The following CSF1R variants were observed in gnomAD, a reference collection of about 807,000 sequenced individuals.
CSF1R encodes macrophage colony-stimulating factor 1 receptor.
In CSF1R, 40 loss-of-function variants were observed where a neutral mutation model predicts 110.0. The observed-to-expected ratio is 0.36, with a 90% CI of 0.28 to 0.47. CSF1R has a LOEUF of 0.47. CSF1R is among the 20% of genes least tolerant of loss of function. The pLI is 0.99. For synonymous variants in CSF1R, 523 were observed against 503.4 expected (o/e 1.04, Z -0.52); for missense variants, 1,052 against 1,253.0 (o/e 0.84, Z 2.42).
chr5:150,066,136 C>T (rs73275628), intron 10 of CSF1R, among the ~76,000 whole-genome samples: 2,429 of 152,268 alleles, frequency 0.016, 67 homozygotes, highest in African/African-American at 0.055. Context: ...GACCTCAGAC[C>T]TCCCCCTCCT....
upstream of CSF1R, among the ~76,000 whole-genome samples, chr5:150,091,526 G>A (rs1460569464): frequency 2.0e-5 from 3 of 152,266 alleles, no homozygotes; most frequent in Admixed American, 6.5e-5. Context: ...AATGTCATAC[G>A]ACTCCATCTA....
chr5:150,072,752 G>A (rs1758080923), intron 6 of CSF1R, among the ~76,000 whole-genome samples: 1 of 152,182 alleles, frequency 6.6e-6, no homozygotes. Context: ...ATTATAGATT[G>A]CACTTCATGG....
At chr5:150,109,121 C>T (rs1759642763) in intron 1 of CSF1R, among the ~76,000 whole-genome samples, 1 of 150,878 alleles carries the variant, frequency 6.6e-6, no homozygotes, top group South Asian at 2.1e-4. Context: ...TGGCCCCTGA[C>T]CCCAGGGCTC....
chr5:150,070,218 T>A lies in CSF1R; in HGVS notation c.1283A>T (p.Asn428Ile). Residue 428 changes from asparagine (N) to isoleucine (I), a missense_variant, in exon 8 of 21, where the codon AAC becomes ATC. By Grantham distance (149) the Asn-to-Ile change is moderately radical. Coordinates refer to ENST00000675795, the MANE Select transcript of CSF1R (RefSeq NM_001288705.3). Reference sequence around the variant, plus strand: ...GCCACTGCACTGCAGCCATGTCACGTTGGGCTGGGGGTACCCAGAGGCAGC... The same window carrying A: ...GCCACTGCACTGCAGCCATGTCACGATGGGCTGGGGGTACCCAGAGGCAGC... ...LCAASGYPQP[N>I]VTWLQCSGHT... 1 of 1,614,074 alleles carries A rather than the reference T, an allele frequency of 6.2e-7. No individual in the cohort carries two copies. The highest frequency in any genetic ancestry group is 8.5e-7 in the Non-Finnish European group (1 of 1,179,992).
chr5:150,060,862 C>G lies in CSF1R; in HGVS notation c.1969G>C (p.Gly657Arg), dbSNP rs777963695. The G allele has an allele frequency of 6.2e-7, 1 of 1,603,360 alleles. No individual in the cohort carries two copies. The highest frequency in any genetic ancestry group is 8.5e-7 in the Non-Finnish European group (1 of 1,173,930). ...VNLLGACTHG[G>R]PVLVITEYCC... ...GCCCCAGGAACCCCAAGGCCCTTAC[C>G]TCCATGGGTACAGGCTCCCAGAAGG... is the stretch of plus-strand genomic sequence containing the variant. Residue 657 changes from glycine to arginine, a missense_variant and splice_region_variant, in exon 13 of 21, where the codon GGC (glycine) becomes CGC (arginine). This residue lies in a region of CSF1R where 76 missense variants were observed against 133.6 expected (regional missense o/e 0.57). Coordinates refer to ENST00000675795, the MANE Select transcript of CSF1R (RefSeq NM_001288705.3).
chr5:150,080,730 G>A (rs199646591), intron 2 of CSF1R, 37 bp downstream of exon 2: 206 of 1,611,018 alleles, frequency 1.3e-4, no homozygotes, highest in African/African-American at 4.4e-4. Flanking sequence ...GGGGCCTGCC[G>A]GGTCAGGCCT....
chr5:150,055,739 G>A (rs1054037281), intron 18 of CSF1R, among the ~76,000 whole-genome samples: 1 of 152,170 alleles, frequency 6.6e-6, no homozygotes, highest in South Asian at 2.1e-4. Context: ...CATCTTCAAG[G>A]GTCTGTAGAT....
upstream of CSF1R, among the ~76,000 whole-genome samples, chr5:150,090,553 A>G (rs1267655822): frequency 1.3e-5 from 2 of 152,238 alleles, no homozygotes; most frequent in Non-Finnish European, 2.9e-5. Flanking sequence ...ATATAAATGG[A>G]ATCATACAGT....
chr5:150,085,277 G>GGAAAAAAAAAAAAAAAAAA (rs1758786208), intron 1 of CSF1R, among the ~76,000 whole-genome samples: 1 of 92,470 alleles, frequency 1.1e-5, no homozygotes, highest in African/African-American at 5.6e-5. Context: ...TCTGTCTCAG[G>GGAAAAAAAAAAAAAAAAAA]AAAAAAAAAA....
intron 1 of CSF1R, among the ~76,000 whole-genome samples, chr5:150,105,476 A>G (rs1759529347): frequency 6.7e-6 from 1 of 149,996 alleles, no homozygotes; most frequent in Non-Finnish European, 1.5e-5. Flanking sequence ...TTGGCTTCCC[A>G]AAATGCTGGG....
chr5:150,068,699 G>A (rs200271686), intron 9 of CSF1R, among the ~76,000 whole-genome samples: 45 of 152,282 alleles, frequency 3.0e-4, no homozygotes, highest in Admixed American at 1.8e-3. Flanking sequence ...CAGGAAGCTC[G>A]TTCAGAAAGG....
chr5:150,081,213 T>C (rs942113380), intron 1 of CSF1R, among the ~76,000 whole-genome samples, 189 bp from the exon 2 acceptor site: 1 of 152,146 alleles, frequency 6.6e-6, no homozygotes. Flanking sequence ...GACAGACTGA[T>C]GTCTCTGATG....
At chr5:150,101,791 G>A (rs1285079024) in intron 1 of CSF1R, among the ~76,000 whole-genome samples, 1 of 151,416 alleles carries the variant, frequency 6.6e-6, no homozygotes, top group African/African-American at 2.4e-5. Context: ...CGCCTCAACT[G>A]CTTGTAAGAG....
intron 5 of CSF1R, among the ~76,000 whole-genome samples, chr5:150,076,321 CCTATCTATCTATCTATCTATCTATCTAT>C (rs59302630): frequency 1.8e-4 from 27 of 148,118 alleles, no homozygotes; most frequent in African/African-American, 6.2e-4. Flanking sequence ...CTAAGTACTT[CCTATCTATCTATCTATCTATCTATCTAT>C]CTATCTATCT....
In CSF1R at chr5:150,056,011, G is replaced by A. The variant is rs1398947158; in HGVS notation, c.2554+15C>T. The A allele has an allele frequency of 2.5e-6, 4 of 1,611,054 alleles. No individual in the cohort carries two copies. The highest frequency in any genetic ancestry group is 2.2e-5 in the East Asian group (1 of 44,872). ...CCAGCCCCAGGCTCTGCCTGGAGTG[G>A]GCCCAGTGGCTCACCAAGTGAGAAG... On this transcript the variant is annotated intron_variant, in intron 18 of 20. Coordinates refer to ENST00000675795, the MANE Select transcript of CSF1R (RefSeq NM_001288705.3).
chr5:150,058,323 A>C, intron 14 of CSF1R: 1 of 456,250 alleles, frequency 2.2e-6, no homozygotes, highest in South Asian at 1.5e-5. Flanking sequence ...CTGTAGACTG[A>C]AGCACTACTG....
intron 1 of CSF1R, among the ~76,000 whole-genome samples, chr5:150,092,367 G>A (rs1759072692): frequency 6.6e-6 from 1 of 152,106 alleles, no homozygotes; most frequent in Admixed American, 6.5e-5. Flanking sequence ...TCTCCACAGG[G>A]GATACATTCC....
Position 150,057,396 on chromosome 5 carries a change from A to G in CSF1R, c.2222-12T>C, listed in dbSNP as rs1405841125. ...CTCCTTGTCCAGGTCTAGGGTGGGA[A>G]GAGGCGTCAGGGCAGCCCTGCCACA... is the stretch of plus-strand genomic sequence containing the variant. On this transcript the variant is annotated splice_polypyrimidine_tract_variant and intron_variant, in intron 15 of 20. Coordinates refer to ENST00000675795, the MANE Select transcript of CSF1R (RefSeq NM_001288705.3). 14 of 1,613,492 alleles carry G rather than the reference A, an allele frequency of 8.7e-6. No individual in the cohort carries two copies. The highest frequency in any genetic ancestry group is 1.2e-5 in the Non-Finnish European group (14 of 1,179,606).
chr5:150,105,847 T>C (rs1003968782), intron 1 of CSF1R, among the ~76,000 whole-genome samples: 7 of 152,238 alleles, frequency 4.6e-5, no homozygotes, highest in Non-Finnish European at 5.9e-5. Flanking sequence ...TTCTGAGTGC[T>C]GTTTATGTGC....
Sources: allele counts gnomAD v4.1 joint callset (sites outside exome capture counted in the v4.1 genomes callset), GRCh38; gene constraint gnomAD v4.1.1; regional missense constraint gnomAD v4.1.1; transcripts MANE v1.5; gene names NCBI Gene and HGNC (gene_info 2026-07-23, HGNC 2026-07-21).